The following RBFOX1 variants were observed in gnomAD, a reference collection of about 807,000 sequenced individuals.
RBFOX1 encodes the protein RNA binding protein fox-1 homolog 1.
RBFOX1 carries 8 observed loss-of-function variants against 57.7 expected under a neutral mutation model. That is an observed-to-expected ratio of 0.14 (90% CI 0.08 to 0.25). The LOEUF is 0.25. Ranked by LOEUF, RBFOX1 falls within the 10% of genes least tolerant of loss-of-function variation. The pLI is 1.00. For synonymous variants in RBFOX1, 326 were observed against 222.4 expected, an observed-to-expected ratio of 1.47 and a Z score of -4.15; for missense variants, 611 against 548.5, an observed-to-expected ratio of 1.11 and a Z score of -1.14.
intron 3 of RBFOX1, among the ~76,000 whole-genome samples, chr16:6,938,132 A>G (rs1225880572): frequency 2.0e-5 from 3 of 152,188 alleles, no homozygotes; most frequent in African/African-American, 4.8e-5. Flanking sequence ...ACATATAGAA[A>G]TTTTGAACTA....
intron 4 of RBFOX1, among the ~76,000 whole-genome samples, chr16:7,435,217 A>T (rs1193090346): frequency 6.6e-6 from 1 of 151,442 alleles, no homozygotes; most frequent in Non-Finnish European, 1.5e-5. Context: ...TGTTTCTTAG[A>T]CTCTGCTTGT....
At chr16:6,271,213 C>T (rs1490501015) in intron 1 of RBFOX1, among the ~76,000 whole-genome samples, 2 of 152,148 alleles carry the variant, frequency 1.3e-5, no homozygotes, top group African/African-American at 4.8e-5. Flanking sequence ...CACTAGAGGT[C>T]AGGAGTTTGA....
At chr16:7,461,162 CAA>C (rs1268639474) in intron 4 of RBFOX1, among the ~76,000 whole-genome samples, 2 of 151,252 alleles carry the variant, frequency 1.3e-5, no homozygotes, top group Middle Eastern at 3.2e-3. Flanking sequence ...GATGAAAAAA[CAA>C]AGGCAAAACA....
chr16:5,246,503 A>G (rs1471108698), intron 1 of RBFOX1, among the ~76,000 whole-genome samples: 1 of 152,138 alleles, frequency 6.6e-6, no homozygotes, highest in Non-Finnish European at 1.5e-5. Flanking sequence ...TTCCAAGTGT[A>G]TGATATGTTG....
At chr16:7,239,654 G>C (rs1020286542) in intron 4 of RBFOX1, among the ~76,000 whole-genome samples, 1 of 152,134 alleles carries the variant, frequency 6.6e-6, no homozygotes, top group Non-Finnish European at 1.5e-5. Context: ...AAGACCGTGA[G>C]AACTCATTTG....
At chr16:6,763,859 A>C (rs910949814) in intron 3 of RBFOX1, among the ~76,000 whole-genome samples, 1 of 152,190 alleles carries the variant, frequency 6.6e-6, no homozygotes, top group Middle Eastern at 3.4e-3. Context: ...TAATTCCTCT[A>C]TTTCATTTGC....
chr16:5,982,715 C>A (rs145820091), intron 4 of RBFOX1, among the ~76,000 whole-genome samples: 1 of 152,170 alleles, frequency 6.6e-6, no homozygotes, highest in Non-Finnish European at 1.5e-5. Context: ...ATAAGCAGCC[C>A]CCTTGTCATC....
intron 4 of RBFOX1, among the ~76,000 whole-genome samples, chr16:7,450,596 A>T (rs2098844439): frequency 6.6e-6 from 1 of 152,062 alleles, no homozygotes; most frequent in African/African-American, 2.4e-5. Context: ...AAAGAGCGTT[A>T]ATGTGACATC....
chr16:7,431,004 C>T (rs1053198339), intron 4 of RBFOX1, among the ~76,000 whole-genome samples: 1 of 152,148 alleles, frequency 6.6e-6, no homozygotes, highest in Non-Finnish European at 1.5e-5. Flanking sequence ...GGTAGTTTTG[C>T]TTTCACAATC....
intron 4 of RBFOX1, among the ~76,000 whole-genome samples, chr16:7,167,816 A>G (rs1310728022): frequency 6.6e-6 from 1 of 152,014 alleles, no homozygotes; most frequent in South Asian, 2.1e-4. Context: ...TAACTGCGAC[A>G]AAAACCATCT....
Position 6,780,411 on chromosome 16 carries a change from T to TATATATATTTAA in RBFOX1, c.-16+125772_-16+125773insAATATATATTTA, listed in dbSNP as rs1491474688. ...TATTATATATATTTTTATATATATTTATATATATTTATATATATTTATAGA... is the reference window on the plus strand; with the variant it reads ...TATTATATATATTTTTATATATATTTATATATATTTAAATATATATTTATATATATTTATAGA... On this transcript the variant is annotated intron_variant, in intron 3 of 15. Coordinates refer to ENST00000550418, the MANE Select transcript of RBFOX1 (RefSeq NM_018723.4). 9.1e-5 allele frequency among the ~76,000 whole-genome samples: 2 copies of TATATATATTTAA among 22,074 alleles called. 1 individual carries two copies. The highest frequency in any genetic ancestry group is 3.1e-4 in the African/African-American group (2 of 6,524). 14.5% of individuals were successfully genotyped at this position (22,074 alleles called of 152,430 possible). A position where few individuals can be genotyped will look rare whatever the true frequency, so the allele number is the denominator to read the frequency against.
intron 4 of RBFOX1, among the ~76,000 whole-genome samples, chr16:7,059,271 A>G (rs956050455): frequency 6.6e-6 from 1 of 152,138 alleles, no homozygotes; most frequent in African/African-American, 2.4e-5. Context: ...ACGGAAGAAA[A>G]TGTAAGCCCC....
intron 1 of RBFOX1, among the ~76,000 whole-genome samples, chr16:5,438,943 G>A (rs2067999362): frequency 6.6e-6 from 1 of 151,766 alleles, no homozygotes; most frequent in African/African-American, 2.4e-5. Flanking sequence ...GTGTGGATGG[G>A]GAGGTGGTAA....
At chr16:7,699,650 G>A in intron 14 of RBFOX1, among the ~76,000 whole-genome samples, 2 of 152,244 alleles carry the variant, frequency 1.3e-5, no homozygotes, top group South Asian at 4.1e-4. Flanking sequence ...GTACAAAAAT[G>A]ATGTAAAATA....
At chr16:6,714,769 T>C (rs1414728599) in intron 3 of RBFOX1, among the ~76,000 whole-genome samples, 1 of 152,176 alleles carries the variant, frequency 6.6e-6, no homozygotes, top group African/African-American at 2.4e-5. Flanking sequence ...TACCGTTTTC[T>C]AAACAGTGCA....
At chr16:7,094,247 C>G (rs1250339115) in intron 4 of RBFOX1, among the ~76,000 whole-genome samples, 2 of 151,900 alleles carry the variant, frequency 1.3e-5, no homozygotes, top group Non-Finnish European at 2.9e-5. Context: ...CAGAGAAGAA[C>G]AAATTGAAAA....
intron 3 of RBFOX1, among the ~76,000 whole-genome samples, chr16:5,817,447 A>G (rs2055683879): frequency 1.3e-5 from 2 of 152,170 alleles, no homozygotes; most frequent in Non-Finnish European, 2.9e-5. Flanking sequence ...TAATAAATAA[A>G]TGTCTTTTCA....
chr16:7,110,690 G>A (rs1458361514), intron 4 of RBFOX1, among the ~76,000 whole-genome samples: 4 of 152,094 alleles, frequency 2.6e-5, no homozygotes, highest in Non-Finnish European at 4.4e-5. Flanking sequence ...TGAGGCAGGA[G>A]TCAACAAAAT....
chr16:5,654,363 A>G (rs1276594249), intron 3 of RBFOX1, among the ~76,000 whole-genome samples: 1 of 152,174 alleles, frequency 6.6e-6, no homozygotes, highest in Non-Finnish European at 1.5e-5. Context: ...GAAATGGGCC[A>G]TGCTGTAGTG....
Sources: gnomAD v4.1 joint callset for allele counts (sites outside exome capture counted in the v4.1 genomes callset) on GRCh38, gnomAD v4.1.1 for gene constraint, MANE v1.5 for transcripts, NCBI Gene and HGNC (gene_info 2026-07-23, HGNC 2026-07-21) for gene names.